The following ATP6V0A1 variants were observed in gnomAD, a reference collection of about 807,000 sequenced individuals.
The protein encoded by ATP6V0A1 is ATPase H+ transporting V0 subunit a1.
A neutral mutation model predicts 105.4 loss-of-function variants in ATP6V0A1; 43 were observed. The observed-to-expected ratio is 0.41, with a 90% confidence interval of 0.32 to 0.53. The LOEUF (loss-of-function observed/expected upper bound fraction) is 0.53. Among genes scored for constraint, ATP6V0A1 ranks in the 20% least tolerant of loss-of-function variants. The pLI is 0.30. For missense variants in ATP6V0A1, 676 were observed against 1,051.1 expected (o/e 0.64, Z 4.93); for synonymous variants, 362 against 372.8 (o/e 0.97, Z 0.33).
intron 19 of ATP6V0A1, among the ~76,000 whole-genome samples, 178 bp downstream of exon 19, chr17:42,508,767 T>C (rs2092180873): frequency 6.6e-6 from 1 of 152,240 alleles, no homozygotes. Flanking sequence ...CTCATCTCCA[T>C]TAACTGCATC....
At chr17:42,465,572 G>A (rs2086944727) in intron 2 of ATP6V0A1, among the ~76,000 whole-genome samples, 1 of 151,994 alleles carries the variant, frequency 6.6e-6, no homozygotes, top group African/African-American at 2.4e-5. Flanking sequence ...TTACAAGCGT[G>A]AGCCACCGTG....
intron 9 of ATP6V0A1, among the ~76,000 whole-genome samples, chr17:42,486,646 C>T (rs1021410454): frequency 4.6e-5 from 7 of 152,204 alleles, no homozygotes; most frequent in African/African-American, 1.4e-4. Flanking sequence ...GTAAAGATCA[C>T]AGGTGCTCCT....
intron 2 of ATP6V0A1, among the ~76,000 whole-genome samples, chr17:42,462,640 G>A (rs550470403): frequency 1.3e-4 from 20 of 152,066 alleles, no homozygotes; most frequent in African/African-American, 4.6e-4. Flanking sequence ...GGCTGGTCTC[G>A]AACTTCTGAC....
intron 17 of ATP6V0A1, chr17:42,502,779 T>G (rs2091776084): frequency 6.6e-6 from 1 of 152,616 alleles, no homozygotes; most frequent in Non-Finnish European, 1.5e-5. Flanking sequence ...CTTCTTTTCT[T>G]CCATTCACTA....
At chr17:42,515,116 G>GGGGGTGTGGTCTGGGCT (rs1203286337) in intron 21 of ATP6V0A1, among the ~76,000 whole-genome samples, 2 of 152,120 alleles carry the variant, frequency 1.3e-5, no homozygotes, top group Non-Finnish European at 2.9e-5. Flanking sequence ...CTGGGAGAGC[G>GGGGGTGTGGTCTGGGCT]GGGGTGTGGT....
At chr17:42,482,813 C>T (rs2145874582) in intron 8 of ATP6V0A1, among the ~76,000 whole-genome samples, 1 of 150,098 alleles carries the variant, frequency 6.7e-6, no homozygotes, top group South Asian at 2.1e-4. Flanking sequence ...AGAAGAATCA[C>T]TTGAACCCAG....
chr17:42,469,556 G>A (rs1300403170), intron 4 of ATP6V0A1, among the ~76,000 whole-genome samples: 1 of 151,898 alleles, frequency 6.6e-6, no homozygotes, highest in East Asian at 1.9e-4. Flanking sequence ...GGCTGGTCTT[G>A]AACTCCTGAC....
intron 17 of ATP6V0A1, among the ~76,000 whole-genome samples, chr17:42,501,836 C>T (rs2091695980): frequency 6.6e-6 from 1 of 151,848 alleles, no homozygotes; most frequent in African/African-American, 2.4e-5. Flanking sequence ...GAGTTTGAGA[C>T]CAGCCTGGCC....
intron 17 of ATP6V0A1, among the ~76,000 whole-genome samples, chr17:42,501,649 A>T (rs905480279): frequency 6.6e-6 from 1 of 151,474 alleles, no homozygotes; most frequent in Non-Finnish European, 1.5e-5. Flanking sequence ...TCCTAACCTC[A>T]TGATCCGTCC....
At chr17:42,464,558 A>G (rs558847846) in intron 2 of ATP6V0A1, among the ~76,000 whole-genome samples, 14 of 150,972 alleles carry the variant, frequency 9.3e-5, no homozygotes, top group Non-Finnish European at 1.5e-4. Flanking sequence ...GCCCGCTGCC[A>G]CTCCCGGCTA....
chr17:42,486,277 GGC>G (rs1228226279), intron 9 of ATP6V0A1, among the ~76,000 whole-genome samples: 1 of 152,052 alleles, frequency 6.6e-6, no homozygotes, highest in Admixed American at 6.6e-5. Context: ...CGTGCATGGT[GGC>G]GCGCGCCTGT....
rs1189980294 is a variant in ATP6V0A1, at chr17:42,521,187, T to A, written c.*67T>A. The A allele has an allele frequency of 1.5e-6, 2 of 1,369,732 alleles. No homozygotes were observed. Among genetic ancestry groups the A allele is most frequent in the Non-Finnish European group, 2.0e-6 (2 of 999,840 alleles). 84.8% of individuals were successfully genotyped at this position (1,369,732 alleles called of 1,614,324 possible). ...TCCCTCCACAGTGATCAGCTGTGCCTCTCTGCCTGTTGGTTGTGATCTGTG... is the reference window on the plus strand; with the variant it reads ...TCCCTCCACAGTGATCAGCTGTGCCACTCTGCCTGTTGGTTGTGATCTGTG... On this transcript the variant is annotated 3_prime_UTR_variant, in exon 22 of 22. Coordinates refer to ENST00000343619, the MANE Select transcript of ATP6V0A1 (RefSeq NM_001130021.3). This position sits in a 1 kb window ranked among gnomAD's most constrained non-coding sequence, Gnocchi z 4.8.
Position 42,499,037 on chromosome 17 carries a change from C to T in ATP6V0A1, c.1674C>T (p.Asn558=). The T allele has an allele frequency of 6.3e-7, 1 of 1,591,334 alleles. No individual in the cohort carries two copies. The highest frequency in any genetic ancestry group is 1.1e-5 in the South Asian group (1 of 90,302). The change falls in exon 15 of 22, where the codon AAC becomes AAT. Residue 558 remains asparagine, a synonymous_variant. Coordinates refer to ENST00000343619, the MANE Select transcript of ATP6V0A1 (RefSeq NM_001130021.3). Reference sequence around the variant, plus strand: ...TTGGAGTCAGCCTGAGTCTGTTCAACCATATGTGAGTTGTTCCATTTCTGT... The same window carrying T: ...TTGGAGTCAGCCTGAGTCTGTTCAATCATATGTGAGTTGTTCCATTTCTGT... ...MLFGVSLSLF[N]HIYFKKPLNI...
At chr17:42,491,909 T>C (rs937012118) in intron 11 of ATP6V0A1, among the ~76,000 whole-genome samples, 2 of 151,518 alleles carry the variant, frequency 1.3e-5, no homozygotes, top group Non-Finnish European at 2.9e-5. Flanking sequence ...CTGGGTGGCG[T>C]GAGCCACTGC....
intron 21 of ATP6V0A1, 52 bp from the exon 22 acceptor site, chr17:42,520,975 A>C: frequency 6.7e-7 from 1 of 1,485,414 alleles, no homozygotes; most frequent in Non-Finnish European, 9.2e-7. Flanking sequence ...AAGTCCTAAA[A>C]AGCTTCACAA....
intron 21 of ATP6V0A1, among the ~76,000 whole-genome samples, chr17:42,516,253 G>A (rs942051365): frequency 6.6e-5 from 10 of 152,206 alleles, no homozygotes; most frequent in Non-Finnish European, 1.3e-4. Flanking sequence ...ATGGCTGGGT[G>A]ACCCCTGAGC....
At chr17:42,483,261 T>A in intron 9 of ATP6V0A1, 130 bp downstream of exon 9, 1 of 539,996 alleles carries the variant, frequency 1.9e-6, no homozygotes, top group Non-Finnish European at 2.9e-6. Flanking sequence ...GAAATGTACA[T>A]GGGTAATATG....
chr17:42,463,554 C>T (rs148285190), intron 2 of ATP6V0A1, among the ~76,000 whole-genome samples: 1,862 of 152,270 alleles, frequency 0.012, 20 homozygotes, highest in Non-Finnish European at 0.017. Context: ...TGTATGATTA[C>T]ACCACAGTGT....
At chr17:42,500,513 A>G (rs186856974) in intron 15 of ATP6V0A1, among the ~76,000 whole-genome samples, 194 bp from the exon 16 acceptor site, 2 of 152,268 alleles carry the variant, frequency 1.3e-5, no homozygotes, top group Admixed American at 1.3e-4. Context: ...AACAAAACCA[A>G]GGTTCAAAAG....
Sources: allele counts gnomAD v4.1 joint callset (sites outside exome capture counted in the v4.1 genomes callset), GRCh38; gene constraint gnomAD v4.1.1; non-coding constraint Gnocchi (gnomAD v3.1); transcripts MANE v1.5; gene names NCBI Gene and HGNC (gene_info 2026-07-23, HGNC 2026-07-21).